Variants in CELF4 observed in about 807,000 individuals in gnomAD.
The protein encoded by CELF4 is CUGBP Elav-like family member 4.
In CELF4, 18 loss-of-function variants were observed where a neutral mutation model predicts 59.9. The observed-to-expected ratio is 0.30, with a 90% CI of 0.21 to 0.45. The LOEUF is 0.45. CELF4 is among the 20% of genes least tolerant of loss of function. The probability of loss-of-function intolerance (pLI) is 1.00; values close to 1 mark genes in which losing one functional copy is unlikely to be tolerated. For synonymous variants in CELF4, 261 were observed against 267.1 expected, an observed-to-expected ratio of 0.98 and a Z score of 0.22; for missense variants, 456 against 689.0, an observed-to-expected ratio of 0.66 and a Z score of 3.79.
At chr18:37,353,977 T>A (rs528128508) in intron 2 of CELF4, among the ~76,000 whole-genome samples, 3 of 151,954 alleles carry the variant, frequency 2.0e-5, no homozygotes, top group Non-Finnish European at 4.4e-5. Flanking sequence ...GGATGGTCTC[T>A]ATCTCCTGAC....
intron 2 of CELF4, among the ~76,000 whole-genome samples, chr18:37,361,248 A>C (rs1038550650): frequency 2.0e-5 from 3 of 152,182 alleles, no homozygotes; most frequent in Non-Finnish European, 4.4e-5. Flanking sequence ...GGCAGAGTTA[A>C]ACCAAGAGCT....
At chr18:37,370,433 G>A (rs1295638770) in intron 2 of CELF4, among the ~76,000 whole-genome samples, 1 of 152,154 alleles carries the variant, frequency 6.6e-6, no homozygotes, top group African/African-American at 2.4e-5. Flanking sequence ...TCCAGACCCA[G>A]TAGGAATCAC....
At chr18:37,301,888 T>C (rs923814461) in intron 3 of CELF4, among the ~76,000 whole-genome samples, 25 of 152,160 alleles carry the variant, frequency 1.6e-4, no homozygotes, top group Admixed American at 5.9e-4. Flanking sequence ...CAGGTAGGTC[T>C]CTGGCATGGC....
chr18:37,465,722 A>C (rs2099806348), intron 2 of CELF4, among the ~76,000 whole-genome samples: 1 of 152,156 alleles, frequency 6.6e-6, no homozygotes, highest in Admixed American at 6.5e-5. Context: ...GAGCAAAAAT[A>C]ATGTGGTTAT....
chr18:37,251,337 C>T (rs565132143), intron 12 of CELF4, among the ~76,000 whole-genome samples: 2 of 152,300 alleles, frequency 1.3e-5, no homozygotes, highest in South Asian at 2.1e-4. Context: ...CCCAAGCCCC[C>T]ACCCCAACTC....
chr18:37,289,109 TC>T (rs2095100984), intron 3 of CELF4, among the ~76,000 whole-genome samples: 2 of 151,932 alleles, frequency 1.3e-5, no homozygotes, highest in South Asian at 4.2e-4. Flanking sequence ...GAAAAGTGCT[TC>T]CAAATTAGGG....
At chr18:37,272,969 C>G in intron 7 of CELF4, 47 bp downstream of exon 7, 1 of 1,556,262 alleles carries the variant, frequency 6.4e-7, no homozygotes, top group Non-Finnish European at 8.8e-7. Context: ...CTGGGGCCAG[C>G]TGTTCTCCCA....
intron 2 of CELF4, among the ~76,000 whole-genome samples, chr18:37,370,437 G>A (rs1382817449): frequency 6.6e-6 from 1 of 152,120 alleles, no homozygotes; most frequent in Non-Finnish European, 1.5e-5. Context: ...GACCCAGTAG[G>A]AATCACAGAA....
At chr18:37,445,450 C>T (rs566856123) in intron 2 of CELF4, among the ~76,000 whole-genome samples, 3 of 151,770 alleles carry the variant, frequency 2.0e-5, no homozygotes, top group Non-Finnish European at 2.9e-5. Flanking sequence ...GGTCTGGGGT[C>T]GGTAGTCACA....
At chr18:37,563,083 T>A (rs906452409) in intron 1 of CELF4, among the ~76,000 whole-genome samples, 3 of 150,476 alleles carry the variant, frequency 2.0e-5, no homozygotes, top group African/African-American at 7.3e-5. Context: ...ATAAAATATA[T>A]GTAATATATG....
At chr18:37,434,133 T>G (rs933396044) in intron 2 of CELF4, among the ~76,000 whole-genome samples, 1 of 152,128 alleles carries the variant, frequency 6.6e-6, no homozygotes, top group African/African-American at 2.4e-5. Context: ...GCACATAAAC[T>G]CTGAAACAGA....
intron 1 of CELF4, among the ~76,000 whole-genome samples, chr18:37,548,575 G>A (rs988466698): frequency 3.9e-5 from 6 of 152,284 alleles, no homozygotes; most frequent in African/African-American, 1.2e-4. Flanking sequence ...ATAGTGAGCC[G>A]GACCCTCAGA....
intron 2 of CELF4, among the ~76,000 whole-genome samples, chr18:37,413,802 G>A (rs754651230): frequency 1.3e-5 from 2 of 152,194 alleles, no homozygotes; most frequent in Non-Finnish European, 2.9e-5. Context: ...TATGTGCAGT[G>A]CCCTCTGGTG....
chr18:37,412,813 G>C (rs2099485230), intron 2 of CELF4, among the ~76,000 whole-genome samples: 2 of 152,120 alleles, frequency 1.3e-5, no homozygotes, highest in South Asian at 4.1e-4. Context: ...GATGGCCTCA[G>C]GGCCACTTTC....
intron 2 of CELF4, among the ~76,000 whole-genome samples, chr18:37,390,919 T>A (rs1288118355): frequency 6.6e-6 from 1 of 151,840 alleles, no homozygotes; most frequent in East Asian, 2.0e-4. Flanking sequence ...GCCTGATCAA[T>A]CCTAATGGAA....
At chr18:37,460,593 C>T (rs1480749391) in intron 2 of CELF4, among the ~76,000 whole-genome samples, 1 of 152,230 alleles carries the variant, frequency 6.6e-6, no homozygotes, top group Non-Finnish European at 1.5e-5. Context: ...ATATGTCTCA[C>T]TGTTGGCTTT....
intron 1 of CELF4, among the ~76,000 whole-genome samples, chr18:37,533,172 C>A (rs189367198): frequency 6.6e-6 from 1 of 152,244 alleles, no homozygotes; most frequent in Non-Finnish European, 1.5e-5. Context: ...TGCTTACGCA[C>A]GAATGTCTCC....
At chr18:37,495,561 G>T (rs1256758123) in intron 1 of CELF4, among the ~76,000 whole-genome samples, 1 of 152,132 alleles carries the variant, frequency 6.6e-6, no homozygotes, top group African/African-American at 2.4e-5. Flanking sequence ...AGTGTCATTT[G>T]CTTGGTTGTG....
intron 2 of CELF4, among the ~76,000 whole-genome samples, chr18:37,338,740 G>A (rs1208015458): frequency 1.4e-5 from 2 of 147,386 alleles, no homozygotes; most frequent in African/African-American, 2.5e-5. Flanking sequence ...TCATTTAATG[G>A]ACTTGAAAAT....
Sources: gnomAD v4.1 joint callset for allele counts (sites outside exome capture counted in the v4.1 genomes callset) on GRCh38, gnomAD v4.1.1 for gene constraint, MANE v1.5 for transcripts, NCBI Gene and HGNC (gene_info 2026-07-23, HGNC 2026-07-21) for gene names.